NRXN1: variants seen among roughly 807,000 people sequenced by gnomAD.
The protein encoded by NRXN1 is neurexin 1.
A neutral mutation model predicts 150.9 loss-of-function variants in NRXN1; 39 were observed. The observed-to-expected ratio is 0.26, with a 90% confidence interval of 0.20 to 0.34. The LOEUF is 0.34. NRXN1 is among the 10% of genes least tolerant of loss of function. The probability of loss-of-function intolerance (pLI) is 1.00; values close to 1 mark genes in which losing one functional copy is unlikely to be tolerated. For synonymous variants in NRXN1, 924 were observed against 757.0 expected (o/e 1.22, Z -3.62); for missense variants, 1,815 against 1,949.9 (o/e 0.93, Z 1.30).
At chr2:50,538,215 A>G in intron 10 of NRXN1, 38 bp downstream of exon 10, 1 of 1,580,432 alleles carries the variant, frequency 6.3e-7, no homozygotes, top group African/African-American at 1.3e-5. Context: ...TAAACTTTTC[A>G]TCTCAGGGAG....
intron 12 of NRXN1, among the ~76,000 whole-genome samples, chr2:50,517,516 T>G (rs1356291222): frequency 2.6e-5 from 4 of 152,096 alleles, no homozygotes; most frequent in African/African-American, 9.7e-5. Flanking sequence ...CTAAGAAAGG[T>G]AAATATAAAG....
At chr2:50,988,964 T>C (rs1007311277) in intron 2 of NRXN1, among the ~76,000 whole-genome samples, 1 of 151,932 alleles carries the variant, frequency 6.6e-6, no homozygotes, top group Non-Finnish European at 1.5e-5. Context: ...GTCTTTCAAT[T>C]TATTTATTTT....
intron 17 of NRXN1, among the ~76,000 whole-genome samples, chr2:50,249,642 C>CTT (rs35165216): frequency 1.4e-5 from 2 of 144,924 alleles, no homozygotes; most frequent in Non-Finnish European, 1.5e-5. Context: ...TCTTTCCTTT[C>CTT]TTTTTTTTTT....
intron 20 of NRXN1, among the ~76,000 whole-genome samples, chr2:50,054,668 C>T (rs1350505625): frequency 6.6e-6 from 1 of 152,012 alleles, no homozygotes; most frequent in Non-Finnish European, 1.5e-5. Context: ...TGGGTTAATG[C>T]TTGCTGTGAG....
intron 5 of NRXN1, chr2:50,633,117 G>C (rs1397727845): frequency 1.3e-5 from 2 of 152,040 alleles, no homozygotes; most frequent in East Asian, 1.9e-4. Context: ...GTTCTCCCTA[G>C]AAATGTCTTT....
chr2:50,871,546 A>G (rs1383647480), intron 5 of NRXN1, among the ~76,000 whole-genome samples: 2 of 152,020 alleles, frequency 1.3e-5, no homozygotes, highest in Non-Finnish European at 2.9e-5. Flanking sequence ...ATTCAATTTA[A>G]GAGAAATATA....
chr2:49,989,986 G>A lies in NRXN1; in HGVS notation c.4129-46195C>T, dbSNP rs1478867448. Among the ~76,000 whole-genome samples the A allele has an allele frequency of 2.6e-5, 4 of 152,064 alleles. No individual in the cohort carries two copies. The East Asian group carries it at 5.8e-4, about 22-fold the overall frequency. On this transcript the variant is annotated intron_variant, in intron 21 of 22. Coordinates refer to ENST00000401669, the MANE Select transcript of NRXN1 (RefSeq NM_001330078.2). ...AATGGGTGAACAATATCATCTACCT[G>A]TGGGCTCCAGGCCAGCTTCTAACAA...
In NRXN1 at chr2:50,020,045, G is replaced by T. The variant is rs184402673; in HGVS notation, c.4128+33226C>A. Among the ~76,000 whole-genome samples the T allele has an allele frequency of 1.8e-3, 265 of 144,296 alleles. 1 individual carries two copies. Among genetic ancestry groups the T allele is most frequent in the Non-Finnish European group, 3.0e-3 (205 of 67,628 alleles). 94.7% of individuals were successfully genotyped at this position (144,296 alleles called of 152,430 possible). ...AGGTGGTTTCAGAGGAGCATGTAGT[G>T]CACTATTGAAGCTCAGGTTTATCTT... is the stretch of plus-strand genomic sequence containing the variant. On this transcript the variant is annotated intron_variant, in intron 21 of 22. Coordinates refer to ENST00000401669, the MANE Select transcript of NRXN1 (RefSeq NM_001330078.2).
At chr2:50,132,008 C>A (rs1305686534) in intron 18 of NRXN1, among the ~76,000 whole-genome samples, 3 of 152,156 alleles carry the variant, frequency 2.0e-5, no homozygotes, top group East Asian at 1.9e-4. Flanking sequence ...TGTTGATACA[C>A]ACTGTGATGC....
At chr2:50,962,355 G>C (rs1693334151) in intron 2 of NRXN1, among the ~76,000 whole-genome samples, 1 of 151,488 alleles carries the variant, frequency 6.6e-6, no homozygotes, top group African/African-American at 2.4e-5. Flanking sequence ...TTCTTTTTTA[G>C]TAGTTGCTAG....
intron 17 of NRXN1, among the ~76,000 whole-genome samples, chr2:50,425,942 T>C (rs572949959): frequency 6.6e-6 from 1 of 152,232 alleles, no homozygotes; most frequent in Non-Finnish European, 1.5e-5. Flanking sequence ...ACACTGGGCA[T>C]GCCAAATTGT....
At chr2:50,717,469 C>G (rs1448411059) in intron 5 of NRXN1, among the ~76,000 whole-genome samples, 6 of 152,080 alleles carry the variant, frequency 3.9e-5, no homozygotes, top group African/African-American at 9.7e-5. Context: ...TGAATTTTTA[C>G]CATGATTTTC....
intron 12 of NRXN1, among the ~76,000 whole-genome samples, chr2:50,520,248 G>C (rs1390802892): frequency 6.6e-6 from 1 of 151,750 alleles, no homozygotes; most frequent in Non-Finnish European, 1.5e-5. Flanking sequence ...TGTTCTGAAA[G>C]ATATTCATTC....
At chr2:50,411,525 C>CCGG (rs1558684940) in intron 17 of NRXN1, among the ~76,000 whole-genome samples, 4 of 151,884 alleles carry the variant, frequency 2.6e-5, no homozygotes, top group African/African-American at 9.7e-5. Context: ...CCCCACCGCC[C>CCGG]TGTCTGAGAT....
At chr2:50,854,421 A>G (rs1276295757) in intron 5 of NRXN1, among the ~76,000 whole-genome samples, 1 of 152,094 alleles carries the variant, frequency 6.6e-6, no homozygotes, top group Admixed American at 6.6e-5. Context: ...GAAAGCTACC[A>G]TCAGAAGCTG....
At chr2:50,846,577 T>C (rs184131545) in intron 5 of NRXN1, among the ~76,000 whole-genome samples, 138 of 152,268 alleles carry the variant, frequency 9.1e-4, no homozygotes, top group Non-Finnish European at 1.2e-4. Context: ...TCTTACACCA[T>C]AAAAGGCATT....
chr2:50,062,992 G>C (rs901752674), intron 19 of NRXN1, among the ~76,000 whole-genome samples: 1 of 152,148 alleles, frequency 6.6e-6, no homozygotes, highest in African/African-American at 2.4e-5. Flanking sequence ...AAACACAAAA[G>C]GATTCTGAAA....
At chr2:50,670,218 T>C (rs145622213) in intron 5 of NRXN1, among the ~76,000 whole-genome samples, 4 of 152,038 alleles carry the variant, frequency 2.6e-5, no homozygotes, top group African/African-American at 4.8e-5. Flanking sequence ...AAAAGCATCA[T>C]ACATGTTCCA....
chr2:50,181,462 A>G (rs944879098), intron 18 of NRXN1, among the ~76,000 whole-genome samples: 1 of 152,124 alleles, frequency 6.6e-6, no homozygotes, highest in African/African-American at 2.4e-5. Flanking sequence ...GAGACAAAGT[A>G]TCTGCTGATC....
Sources: gnomAD v4.1 joint callset for allele counts (sites outside exome capture counted in the v4.1 genomes callset) on GRCh38, gnomAD v4.1.1 for gene constraint, MANE v1.5 for transcripts, NCBI Gene and HGNC (gene_info 2026-07-23, HGNC 2026-07-21) for gene names.